Variants in PTPRD observed in about 807,000 individuals in gnomAD.
The protein encoded by PTPRD is protein tyrosine phosphatase receptor type D, also known as receptor-type tyrosine-protein phosphatase delta.
A neutral mutation model predicts 214.5 loss-of-function variants in PTPRD; 34 were observed. The observed-to-expected ratio is 0.16, with a 90% CI of 0.12 to 0.21. The LOEUF (loss-of-function observed/expected upper bound fraction) is 0.21, where lower values mean the gene tolerates loss of function less well. Among genes scored for constraint, PTPRD ranks in the 10% least tolerant of loss-of-function variants. PTPRD has a pLI of 1.00. For missense variants in PTPRD, 2,545 were observed against 2,398.7 expected (o/e 1.06, Z -1.27); for synonymous variants, 1,128 against 845.7 (o/e 1.33, Z -5.79).
At chr9:9,001,925 G>C (rs1482452862) in intron 11 of PTPRD, among the ~76,000 whole-genome samples, 3 of 143,892 alleles carry the variant, frequency 2.1e-5, no homozygotes, top group African/African-American at 7.7e-5. Flanking sequence ...TCTAGTTTCT[G>C]CCCACCTGGC....
At chr9:8,765,886 C>G (rs995373216) in intron 11 of PTPRD, among the ~76,000 whole-genome samples, 1 of 152,102 alleles carries the variant, frequency 6.6e-6, no homozygotes, top group Admixed American at 6.6e-5. Context: ...AGCTTCTGGG[C>G]CTCATTTCTT....
chr9:8,932,421 G>A (rs996162028), intron 11 of PTPRD, among the ~76,000 whole-genome samples: 1 of 152,154 alleles, frequency 6.6e-6, no homozygotes, highest in South Asian at 2.1e-4. Flanking sequence ...TATTTACCCA[G>A]TAGTCATTCA....
At position 8,733,829 on chromosome 9, in the gene PTPRD, G is replaced by T. The variant is rs898858342; in HGVS notation, c.15C>A (p.Ala5=). Residue 5 remains alanine, a synonymous_variant, in exon 12 of 46, where the codon GCC becomes GCA. Transcript: ENST00000381196. ...AAGTGAGGAGCAGCAGCAGCAGCCT[G>T]GCTACGTGCACCATCCTGCAGCTTG... is the stretch of plus-strand genomic sequence containing the variant. The part of the protein sequence containing the change: MVHV[A]RLLLLLLTFF... The T allele has an allele frequency of 1.3e-6, 2 of 1,552,012 alleles. No homozygotes were observed. The highest frequency in any genetic ancestry group is 2.4e-5 in the South Asian group (2 of 84,084).
chr9:10,574,589 A>T (rs980109588), intron 2 of PTPRD, among the ~76,000 whole-genome samples: 6 of 152,046 alleles, frequency 3.9e-5, no homozygotes, highest in Admixed American at 1.3e-4. Context: ...TTTATGATTC[A>T]AATACATTTG....
chr9:8,702,512 C>A (rs1003183418), intron 12 of PTPRD, among the ~76,000 whole-genome samples: 3 of 152,132 alleles, frequency 2.0e-5, no homozygotes, highest in Non-Finnish European at 4.4e-5. Flanking sequence ...AAAAATAAAG[C>A]CAACAAGGAC....
At chr9:10,157,312 G>T (rs746939915) in intron 3 of PTPRD, among the ~76,000 whole-genome samples, 1 of 152,166 alleles carries the variant, frequency 6.6e-6, no homozygotes, top group Non-Finnish European at 1.5e-5. Context: ...AGGAGCTCTT[G>T]TAAGGCTGGT....
Position 9,196,450 on chromosome 9 carries a change from T to C in PTPRD, c.-202-13087A>G, listed in dbSNP as rs2099938685. Among the ~76,000 whole-genome samples, 4 of 152,308 alleles carry C rather than the reference T, an allele frequency of 2.6e-5. No homozygotes were observed. The South Asian group carries it at 8.3e-4, about 32-fold the overall frequency. On this transcript the variant is annotated intron_variant, in intron 9 of 45. Coordinates refer to ENST00000381196, the MANE Select transcript of PTPRD (RefSeq NM_002839.4). ...TAATTTAATGGAGACACTCATCTCT[T>C]AAGGTACCAATGTTGTGTTCATACA...
At chr9:8,880,934 T>C (rs570831289) in intron 11 of PTPRD, among the ~76,000 whole-genome samples, 1 of 152,106 alleles carries the variant, frequency 6.6e-6, no homozygotes, top group Admixed American at 6.6e-5. Flanking sequence ...TAAAAATATA[T>C]GTATATATTT....
At chr9:10,059,537 A>C (rs971262704) in intron 3 of PTPRD, among the ~76,000 whole-genome samples, 4 of 152,128 alleles carry the variant, frequency 2.6e-5, no homozygotes, top group Non-Finnish European at 4.4e-5. Context: ...CAAGAGAAAG[A>C]GGTTTTATTT....
At chr9:8,563,700 C>G (rs1185822365) in intron 14 of PTPRD, among the ~76,000 whole-genome samples, 2 of 152,086 alleles carry the variant, frequency 1.3e-5, no homozygotes, top group Non-Finnish European at 2.9e-5. Context: ...CTCCCTCTGT[C>G]ACCCAGGCTG....
At chr9:9,714,770 T>A (rs2097790151) in intron 7 of PTPRD, among the ~76,000 whole-genome samples, 1 of 152,100 alleles carries the variant, frequency 6.6e-6, no homozygotes, top group Admixed American at 6.6e-5. Flanking sequence ...AGGTGAAAGA[T>A]CTAAAAGTTC....
intron 3 of PTPRD, among the ~76,000 whole-genome samples, chr9:10,152,749 T>C (rs1292624773): frequency 6.6e-6 from 1 of 152,116 alleles, no homozygotes; most frequent in Non-Finnish European, 1.5e-5. Context: ...AGCTTGAACC[T>C]GGAAGGCGGA....
Position 9,372,858 on chromosome 9 carries a change from TC to T in PTPRD, c.-203+24590del, listed in dbSNP as rs1345371764. On this transcript the variant is annotated intron_variant, in intron 9 of 45. Coordinates refer to ENST00000381196, the MANE Select transcript of PTPRD (RefSeq NM_002839.4). ...GCTTGTTTGTAAAGTATTTTATTTCTCCTTCACTTATGAAGCTTAGTTTGGC... is the reference window on the plus strand; with the variant it reads ...GCTTGTTTGTAAAGTATTTTATTTCTCTTCACTTATGAAGCTTAGTTTGGC... Among the ~76,000 whole-genome samples, 5 of 152,124 alleles carry T rather than the reference TC, an allele frequency of 3.3e-5. 1 individual carries two copies. Among genetic ancestry groups the T allele is most frequent in the Admixed American group, 3.3e-4 (5 of 15,250 alleles).
intron 11 of PTPRD, among the ~76,000 whole-genome samples, chr9:8,819,030 G>A (rs954773540): frequency 6.6e-6 from 1 of 152,144 alleles, no homozygotes; most frequent in South Asian, 2.1e-4. Context: ...TGCCATGTCA[G>A]AAAAAGGCAT....
chr9:8,662,263 T>C (rs548431258), intron 12 of PTPRD, among the ~76,000 whole-genome samples: 7 of 152,176 alleles, frequency 4.6e-5, no homozygotes, highest in Non-Finnish European at 1.0e-4. Flanking sequence ...AATCGGTCCC[T>C]ACATTTGTTA....
At position 9,274,880 on chromosome 9, in the gene PTPRD, C is replaced by T. The variant is rs553041847; in HGVS notation, c.-202-91517G>A. Among the ~76,000 whole-genome samples, 201 of 147,838 alleles carry T rather than the reference C, an allele frequency of 1.4e-3. 1 individual carries two copies. Among genetic ancestry groups the T allele is most frequent in the African/African-American group, 4.3e-3 (173 of 40,254 alleles). On this transcript the variant is annotated intron_variant, in intron 9 of 45. Transcript: ENST00000381196. The stretch of plus-strand genomic sequence containing the variant: ...AGGTTTAGATAGGAATGATTCTACT[C>T]GTAAATAATTTGGGAAATAGTCACC...
chr9:9,453,925 G>A (rs1345900615), intron 8 of PTPRD, among the ~76,000 whole-genome samples: 2 of 151,572 alleles, frequency 1.3e-5, no homozygotes, highest in African/African-American at 4.8e-5. Context: ...TACTCTACAT[G>A]AGATCCACTT....
At chr9:9,270,884 G>C (rs554363761) in intron 9 of PTPRD, among the ~76,000 whole-genome samples, 1 of 151,352 alleles carries the variant, frequency 6.6e-6, no homozygotes, top group Admixed American at 6.6e-5. Context: ...GATATCGGGG[G>C]GTGTAGGGAT....
At chr9:9,420,464 C>A (rs1283585469) in intron 8 of PTPRD, among the ~76,000 whole-genome samples, 1 of 151,832 alleles carries the variant, frequency 6.6e-6, no homozygotes, top group African/African-American at 2.4e-5. Context: ...AGTAGTACTT[C>A]TATACTACTG....
Sources: allele counts gnomAD v4.1 joint callset (sites outside exome capture counted in the v4.1 genomes callset), GRCh38; gene constraint gnomAD v4.1.1; transcripts MANE v1.5; gene names NCBI Gene and HGNC (gene_info 2026-07-23, HGNC 2026-07-21).